The following DUSP16 variants were observed in gnomAD, a reference collection of about 807,000 sequenced individuals.
DUSP16 encodes the protein dual specificity phosphatase 16, also known as dual specificity protein phosphatase 16.
DUSP16 carries 21 observed loss-of-function variants against 58.3 expected under a neutral mutation model. The ratio of observed to expected loss-of-function variants is 0.36; its 90% CI spans 0.26 to 0.52. DUSP16 has a LOEUF of 0.52. Among genes scored for constraint, DUSP16 ranks in the 20% least tolerant of loss-of-function variants. The pLI, the probability that DUSP16 is intolerant of heterozygous loss-of-function variation, is 0.94. For synonymous variants in DUSP16, 320 were observed against 323.8 expected (o/e 0.99, Z 0.12); for missense variants, 726 against 819.0 (o/e 0.89, Z 1.39).
intron 1 of DUSP16, among the ~76,000 whole-genome samples, chr12:12,549,432 G>A (rs1011592893): frequency 1.2e-4 from 19 of 152,224 alleles, no homozygotes; most frequent in African/African-American, 4.6e-4. Flanking sequence ...TGATCCTGGA[G>A]TCTTCCTCCG....
At chr12:12,558,483 G>C (rs1944844684) in intron 1 of DUSP16, among the ~76,000 whole-genome samples, 1 of 151,870 alleles carries the variant, frequency 6.6e-6, no homozygotes, top group African/African-American at 2.4e-5. Flanking sequence ...CCAGGCTCAA[G>C]AGATCCTCCC....
At chr12:12,518,469 C>T (rs1337079223) in intron 3 of DUSP16, among the ~76,000 whole-genome samples, 2 of 151,316 alleles carry the variant, frequency 1.3e-5, no homozygotes, top group Non-Finnish European at 2.9e-5. Context: ...GCCAAGGTCA[C>T]ACCACCGCAC....
chr12:12,541,392 C>CA (rs1235648095), intron 1 of DUSP16, among the ~76,000 whole-genome samples: 1 of 152,200 alleles, frequency 6.6e-6, no homozygotes, highest in Non-Finnish European at 1.5e-5. Context: ...AAAAGAGGTA[C>CA]AGGCCTTGAC....
intron 3 of DUSP16, among the ~76,000 whole-genome samples, chr12:12,510,086 C>A (rs1451480879): frequency 6.6e-6 from 1 of 152,048 alleles, no homozygotes; most frequent in Non-Finnish European, 1.5e-5. Flanking sequence ...TTTTCTGATG[C>A]CCCTAAATGG....
chr12:12,514,077 A>G (rs1048551352), intron 3 of DUSP16, among the ~76,000 whole-genome samples: 1 of 152,176 alleles, frequency 6.6e-6, no homozygotes, highest in Non-Finnish European at 1.5e-5. Context: ...TTTGAAGGAT[A>G]GTCTTTTAGA....
At chr12:12,500,919 C>T (rs978498570) in intron 3 of DUSP16, among the ~76,000 whole-genome samples, 4 of 152,162 alleles carry the variant, frequency 2.6e-5, no homozygotes, top group African/African-American at 9.7e-5. Context: ...AATGACTCCT[C>T]TCTCTCAGAT....
At chr12:12,554,196 C>CAAAA (rs59499569) in intron 1 of DUSP16, among the ~76,000 whole-genome samples, 99 of 65,984 alleles carry the variant, frequency 1.5e-3, no homozygotes, top group African/African-American at 2.1e-3. Context: ...AACTGGGTCT[C>CAAAA]AAAAAAAAAA....
intron 1 of DUSP16, among the ~76,000 whole-genome samples, chr12:12,533,793 G>A (rs1944426039): frequency 6.6e-6 from 1 of 152,168 alleles, no homozygotes; most frequent in Non-Finnish European, 1.5e-5. Context: ...ATGCTAAAAT[G>A]GCGTATACAG....
Position 12,475,474 on chromosome 12 carries a change from C to CT in DUSP16, c.*1358_*1359insA, listed in dbSNP as rs1225815244. On this transcript the variant is annotated 3_prime_UTR_variant, in exon 7 of 7. Coordinates refer to ENST00000298573, the MANE Select transcript of DUSP16 (RefSeq NM_030640.3). The stretch of plus-strand genomic sequence containing the variant: ...TTTCCACTGAAGACACGCCGGCCAG[C>CT]GTTTCCAAAAACAGCTTGGCCATGG... 2 of 152,200 alleles carry CT rather than the reference C, an allele frequency of 1.3e-5. No homozygotes were observed. The highest frequency in any genetic ancestry group is 2.9e-5 in the Non-Finnish European group (2 of 68,050). 9.4% of individuals were successfully genotyped at this position (152,200 alleles called of 1,614,324 possible).
chr12:12,492,849 C>T (rs1019315210), intron 4 of DUSP16, among the ~76,000 whole-genome samples: 23 of 152,274 alleles, frequency 1.5e-4, no homozygotes, highest in African/African-American at 5.3e-4. Flanking sequence ...ACTTGGCACA[C>T]TCGACTGCTC....
intron 1 of DUSP16, among the ~76,000 whole-genome samples, chr12:12,541,871 GTTCA>G (rs1944564614): frequency 6.6e-6 from 1 of 151,994 alleles, no homozygotes; most frequent in Non-Finnish European, 1.5e-5. Context: ...GTATAAAAAT[GTTCA>G]CAGCAGATTT....
intron 1 of DUSP16, among the ~76,000 whole-genome samples, chr12:12,551,350 A>C (rs917562333): frequency 6.6e-6 from 1 of 151,856 alleles, no homozygotes; most frequent in Non-Finnish European, 1.5e-5. Context: ...TAAAAATACA[A>C]AAAAAATCAG....
chr12:12,557,203 C>G (rs1944818010), intron 1 of DUSP16, among the ~76,000 whole-genome samples: 1 of 152,202 alleles, frequency 6.6e-6, no homozygotes, highest in East Asian at 1.9e-4. Flanking sequence ...CACCTGTAAT[C>G]CCAGCACTTT....
At chr12:12,554,083 G>A (rs57390437) in intron 1 of DUSP16, among the ~76,000 whole-genome samples, 8,318 of 150,932 alleles carry the variant, frequency 0.055, 258 homozygotes, top group Middle Eastern at 0.075. Flanking sequence ...TGTAATCCCA[G>A]CTACTTGGGA....
intron 4 of DUSP16, chr12:12,491,526 A>G (rs1943760664): frequency 6.6e-6 from 1 of 152,204 alleles, no homozygotes; most frequent in African/African-American, 2.4e-5. Flanking sequence ...ATGCTGTATA[A>G]AACATACACA....
intron 1 of DUSP16, among the ~76,000 whole-genome samples, chr12:12,553,625 C>A (rs1326171748): frequency 6.6e-6 from 1 of 152,192 alleles, no homozygotes; most frequent in Non-Finnish European, 1.5e-5. Context: ...TTACTGCAGC[C>A]TTGACCTGCC....
chr12:12,533,487 G>A (rs1292497579), intron 1 of DUSP16, among the ~76,000 whole-genome samples: 3 of 152,128 alleles, frequency 2.0e-5, no homozygotes, highest in Non-Finnish European at 4.4e-5. Flanking sequence ...ATAACTCTGG[G>A]GCCTCAAAAA....
At position 12,559,648 on chromosome 12, in the gene DUSP16, G is replaced by A. The variant is rs188720581; in HGVS notation, c.-366+2469C>T. Among the ~76,000 whole-genome samples the A allele has an allele frequency of 2.0e-5, 3 of 152,182 alleles. No individual in the cohort carries two copies. The East Asian group carries it at 5.8e-4, about 29-fold the overall frequency. The stretch of plus-strand genomic sequence containing the variant: ...CAAATTATATTTAGTAGGATTTTTA[G>A]GATTAGCTGAAAATTGAAAAAATTT... On this transcript the variant is annotated intron_variant, in intron 1 of 6. Coordinates refer to ENST00000298573, the MANE Select transcript of DUSP16 (RefSeq NM_030640.3).
At chr12:12,543,696 T>G (rs530899670) in intron 1 of DUSP16, among the ~76,000 whole-genome samples, 1 of 152,138 alleles carries the variant, frequency 6.6e-6, no homozygotes, top group Non-Finnish European at 1.5e-5. Context: ...GTCTATCTGA[T>G]ATAGAATGAC....
Sources: gnomAD v4.1 joint callset for allele counts (sites outside exome capture counted in the v4.1 genomes callset) on GRCh38, gnomAD v4.1.1 for gene constraint, MANE v1.5 for transcripts, NCBI Gene and HGNC (gene_info 2026-07-23, HGNC 2026-07-21) for gene names.